ZNF292: variants seen among roughly 807,000 people sequenced by gnomAD.
The protein encoded by ZNF292 is zinc finger protein 292.
In ZNF292, 26 loss-of-function variants were observed where a neutral mutation model predicts 217.9. That is an observed-to-expected ratio of 0.12 (90% CI 0.09 to 0.17). The LOEUF is 0.17. Among genes scored for constraint, ZNF292 ranks in the 10% least tolerant of loss-of-function variants. The pLI is 1.00. For missense variants in ZNF292, 2,904 were observed against 3,175.2 expected (o/e 0.91, Z 2.05); for synonymous variants, 1,257 against 1,124.1 (o/e 1.12, Z -2.37).
At position 87,260,109 on chromosome 6, in the gene ZNF292, T is replaced by G; in HGVS notation, c.6480T>G (p.Ser2160Arg). 1 of 1,613,450 alleles carries G rather than the reference T, an allele frequency of 6.2e-7. No homozygotes were observed. Among genetic ancestry groups the G allele is most frequent in the Non-Finnish European group, 8.5e-7 (1 of 1,179,608 alleles). The change falls in exon 8 of 8, where the codon AGT becomes AGG. Residue 2160 changes from serine (S) to arginine (R), a missense_variant. Physicochemically the swap from Ser to Arg is moderately radical, Grantham distance 110. Around this residue, in one of 15 missense-constraint regions of ZNF292, gnomAD observed 261 missense variants for 272.8 expected, o/e 0.96. Transcript: ENST00000369577. ...VEEESEAGKE[S>R]EETETKQTLK... ...AGGAAAGTGAAGCTGGTAAAGAAAG[T>G]GAAGAAACTGAAACTAAACAAACTT...
At chr6:87,158,392 C>G (rs934354756) in intron 1 of ZNF292, among the ~76,000 whole-genome samples, 1 of 151,980 alleles carries the variant, frequency 6.6e-6, no homozygotes, top group African/African-American at 2.4e-5. Flanking sequence ...TGTTTATTTA[C>G]AGGGGTGGAG....
rs1297982352 is a variant in ZNF292 at position 87,215,512 on chromosome 6, T to G, written c.169-391T>G. 2.6e-5 allele frequency among the ~76,000 whole-genome samples: 4 copies of G among 152,292 alleles called. No homozygotes were observed. In the East Asian group the frequency reaches 7.7e-4, roughly 29 times the overall value. ...TATTTTGTTGTTCAATATTGAATTT[T>G]CTGCTGCTTCTACGAGAAATAGAAA... On this transcript the variant is annotated intron_variant, in intron 1 of 7. Transcript: ENST00000369577.
In ZNF292 at chr6:87,260,721, T is replaced by C. The variant is rs748600844; in HGVS notation, c.7092T>C (p.His2364=). 2.5e-6 allele frequency: 4 copies of C among 1,613,462 alleles called. No homozygotes were observed. The highest frequency in any genetic ancestry group is 4.5e-5 in the East Asian group (2 of 44,868). The change falls in exon 8 of 8, where the codon CAT becomes CAC. Residue 2364 remains histidine, a synonymous_variant. Transcript: ENST00000369577. ...CTTATTCTCTGAAACGTGGGAAGCA[T>C]GTATATTCTATAAAGGCTAGAAATG... The part of the protein sequence containing the change: ...NKPYSLKRGK[H]VYSIKARNDA...
intron 1 of ZNF292, among the ~76,000 whole-genome samples, chr6:87,177,211 C>T (rs1377207069): frequency 6.6e-6 from 1 of 151,774 alleles, no homozygotes; most frequent in Admixed American, 6.6e-5. Context: ...CCTGTAATCC[C>T]AGCTACTCAG....
intron 1 of ZNF292, among the ~76,000 whole-genome samples, chr6:87,171,594 A>AAT (rs1771100754): frequency 6.6e-6 from 1 of 152,180 alleles, no homozygotes; most frequent in Admixed American, 6.5e-5. Flanking sequence ...AAATAACATT[A>AAT]GTTTTAAAAA....
chr6:87,172,361 A>G (rs890443126), intron 1 of ZNF292, among the ~76,000 whole-genome samples: 1 of 152,180 alleles, frequency 6.6e-6, no homozygotes, highest in South Asian at 2.1e-4. Context: ...ACAAGTAACA[A>G]AAGAACAGCT....
intron 1 of ZNF292, among the ~76,000 whole-genome samples, chr6:87,202,242 C>T (rs902399741): frequency 6.6e-6 from 1 of 151,798 alleles, no homozygotes; most frequent in Non-Finnish European, 1.5e-5. Context: ...AAGTTTTATA[C>T]TTTTTTTTGA....
Position 87,257,570 on chromosome 6 carries a change from A to C in ZNF292, c.3941A>C (p.Asn1314Thr), listed in dbSNP as rs1219800875. The change falls in exon 8 of 8, where the codon AAT becomes ACT. Residue 1314 changes from asparagine (N) to threonine (T), a missense_variant. Asn to Thr is a moderately conservative substitution (Grantham distance 65). Transcript: ENST00000369577. ...AATTCCTCCTTTCTAAAGGGGGGTA[A>C]TGGTGAAAATGCAGTTTTTCCTTCA... ...NTNSSFLKGG[N>T]GENAVFPSQV... 1 of 1,606,286 alleles carries C rather than the reference A, an allele frequency of 6.2e-7. No individual in the cohort carries two copies. The highest frequency in any genetic ancestry group is 8.5e-7 in the Non-Finnish European group (1 of 1,176,002).
intron 1 of ZNF292, 123 bp from the exon 2 acceptor site, chr6:87,215,780 T>A (rs538629475): frequency 3.0e-6 from 2 of 667,078 alleles, no homozygotes; most frequent in African/African-American, 3.8e-5. Flanking sequence ...CAATATAAAC[T>A]ACTTTTTGTT....
rs1326876196 is a variant in ZNF292 at position 87,261,825 on chromosome 6, C to CATTT, written c.*26_*29dup. 1 of 1,363,546 alleles carries CATTT rather than the reference C, an allele frequency of 7.3e-7. No homozygotes were observed. The highest frequency in any genetic ancestry group is 9.8e-7 in the Non-Finnish European group (1 of 1,017,450). 84.5% of individuals were successfully genotyped at this position (1,363,546 alleles called of 1,614,324 possible). On this transcript the variant is annotated 3_prime_UTR_variant, in exon 8 of 8. Coordinates refer to ENST00000369577, the MANE Select transcript of ZNF292 (RefSeq NM_015021.3). ...GATAATTAATGTAGTATAAATACAT[C>CATTT]ATTTACCATTTTATTTTAAATAGGA...
intron 7 of ZNF292, among the ~76,000 whole-genome samples, chr6:87,247,904 C>T (rs1202776306): frequency 1.3e-5 from 2 of 152,072 alleles, no homozygotes; most frequent in African/African-American, 2.4e-5. Flanking sequence ...ACATAGTTAT[C>T]GAAATGAAAA....
intron 7 of ZNF292, among the ~76,000 whole-genome samples, chr6:87,252,090 CCCTTCATCCAGAAAT>C (rs1476744665): frequency 3.9e-5 from 6 of 151,904 alleles, no homozygotes; most frequent in Admixed American, 3.9e-4. Context: ...AAGACAGATA[CCCTTCATCCAGAAAT>C]CCTTCATTCT....
intron 1 of ZNF292, among the ~76,000 whole-genome samples, chr6:87,204,062 C>A (rs142849716): frequency 4.6e-5 from 7 of 152,088 alleles, no homozygotes; most frequent in Admixed American, 1.3e-4. Context: ...ACTAAAAATG[C>A]GTAGCCTAAA....
chr6:87,179,487 A>G (rs759473463), intron 1 of ZNF292, among the ~76,000 whole-genome samples: 3 of 152,064 alleles, frequency 2.0e-5, no homozygotes, highest in Non-Finnish European at 4.4e-5. Context: ...GGTATAAAGG[A>G]GTATGTAAAC....
chr6:87,215,752 T>C, intron 1 of ZNF292, 151 bp from the exon 2 acceptor site: 1 of 536,140 alleles, frequency 1.9e-6, no homozygotes, highest in Non-Finnish European at 3.1e-6. Context: ...ATGACTTTAT[T>C]TCATTTAATA....
chr6:87,195,034 A>T (rs752115804), intron 1 of ZNF292, among the ~76,000 whole-genome samples: 19 of 152,212 alleles, frequency 1.2e-4, no homozygotes, highest in African/African-American at 4.1e-4. Flanking sequence ...GAAATTATCT[A>T]AATGTAATAA....
rs1402269169 is a variant in ZNF292, at chr6:87,261,645, G to T, written c.8016G>T (p.Lys2672Asn). The T allele has an allele frequency of 6.2e-7, 1 of 1,612,006 alleles. No individual in the cohort carries two copies. The highest frequency in any genetic ancestry group is 8.5e-7 in the Non-Finnish European group (1 of 1,178,910). ...CSDNVKIVLD[K>N]NLKDCTELVL... ...ATAATGTAAAAATTGTTTTAGACAA[G>T]AATCTTAAAGATTGCACTGAGCTTG... is the stretch of plus-strand genomic sequence containing the variant. Residue 2672 changes from lysine (K) to asparagine (N), a missense_variant, in exon 8 of 8, where the codon AAG becomes AAT. Transcript: ENST00000369577.
Position 87,261,436 on chromosome 6 carries a change from G to T in ZNF292, c.7807G>T (p.Ala2603Ser), listed in dbSNP as rs779107693. 1.2e-6 allele frequency: 2 copies of T among 1,607,684 alleles called. No homozygotes were observed. The highest frequency in any genetic ancestry group is 1.7e-6 in the Non-Finnish European group (2 of 1,176,748). The change falls in exon 8 of 8, where the codon GCA (alanine) becomes TCA (serine). Residue 2603 changes from alanine to serine, a missense_variant. Physicochemically the swap from Ala to Ser is moderately conservative, Grantham distance 99 (BLOSUM62 1). Around this residue, in one of 15 missense-constraint regions of ZNF292, gnomAD observed 380 missense variants for 355.3 expected, o/e 1.07. Coordinates refer to ENST00000369577, the MANE Select transcript of ZNF292 (RefSeq NM_015021.3). Reference sequence around the variant, plus strand: ...ATTTCTGAAGTTTCTTGAGGAGTCTGCAGTGAAGCAGAAGAAAAATACTGA... The same window carrying T: ...ATTTCTGAAGTTTCTTGAGGAGTCTTCAGTGAAGCAGAAGAAAAATACTGA... Reference protein sequence around the residue: ...VSFLKFLEESAVKQKKNTDKD... With the variant: ...VSFLKFLEESSVKQKKNTDKD...
At chr6:87,197,092 AAAGAAGTGCAAATTAGAGAAACTGT>A (rs1771971680) in intron 1 of ZNF292, among the ~76,000 whole-genome samples, 1 of 152,136 alleles carries the variant, frequency 6.6e-6, no homozygotes, top group African/African-American at 2.4e-5. Context: ...ATTATTAGTT[AAAGAAGTGCAAATTAGAGAAACTGT>A]AGAATTTAAT....
Sources: allele counts gnomAD v4.1 joint callset (sites outside exome capture counted in the v4.1 genomes callset), GRCh38; gene constraint gnomAD v4.1.1; regional missense constraint gnomAD v4.1.1; transcripts MANE v1.5; gene names NCBI Gene and HGNC (gene_info 2026-07-23, HGNC 2026-07-21).